Variants in ABCB7 observed in about 807,000 individuals in gnomAD.
ABCB7 encodes iron-sulfur clusters transporter ABCB7, mitochondrial.
ABCB7 carries 7 observed loss-of-function variants against 54.4 expected under a neutral mutation model. The ratio of observed to expected loss-of-function variants is 0.13; its 90% CI spans 0.07 to 0.24. The LOEUF (loss-of-function observed/expected upper bound fraction) is 0.24, where lower values mean the gene tolerates loss of function less well. Ranked by LOEUF, ABCB7 falls within the 10% of genes least tolerant of loss-of-function variation. The pLI is 1.00. For synonymous variants in ABCB7, 218 were observed against 207.1 expected, an observed-to-expected ratio of 1.05 and a Z score of -0.45; for missense variants, 356 against 570.4, an observed-to-expected ratio of 0.62 and a Z score of 3.83.
At chrX:75,124,675 T>G (rs982453068) in intron 1 of ABCB7, among the ~76,000 whole-genome samples, 18 of 111,529 alleles carry the variant, frequency 1.6e-4, no homozygotes, top group Admixed American at 1.5e-3. Context: ...ATATTAAGAG[T>G]GAATATACCA....
intron 1 of ABCB7, among the ~76,000 whole-genome samples, chrX:75,128,955 G>A (rs1296636347): frequency 8.9e-6 from 1 of 111,974 alleles, no homozygotes; most frequent in Non-Finnish European, 1.9e-5. Context: ...AACAGATGCT[G>A]GAGAGGATGT....
At chrX:75,100,636 T>C (rs1308962520) in intron 3 of ABCB7, among the ~76,000 whole-genome samples, 1 of 111,544 alleles carries the variant, frequency 9.0e-6, no homozygotes, top group Non-Finnish European at 1.9e-5. Flanking sequence ...CAGGGTCCTT[T>C]GCCTTATTCT....
chrX:75,054,606 G>A (rs1192001835), intron 15 of ABCB7, among the ~76,000 whole-genome samples: 2 of 101,828 alleles, frequency 2.0e-5, no homozygotes, highest in Non-Finnish European at 2.0e-5. Flanking sequence ...TTAGTTTTCT[G>A]TGTCACTATT....
At chrX:75,069,183 G>T in intron 11 of ABCB7, 47 bp from the exon 12 acceptor site, 1 of 1,202,409 alleles carries the variant, frequency 8.3e-7, no homozygotes, top group Non-Finnish European at 1.1e-6. Context: ...ATTAATGTTA[G>T]GAAACCCCAG....
rs141615261 is a variant in ABCB7 at position 75,051,255 on chromosome X, C to T, written c.*2115G>A. ...CTCTGGCAGCAAAGACTACGAAATA[C>T]TGGTTTCATGTTACTTATCAAATTA... On this transcript the variant is annotated 3_prime_UTR_variant, in exon 16 of 16. Coordinates refer to ENST00000373394, the MANE Select transcript of ABCB7 (RefSeq NM_001271696.3). 1.1e-3 allele frequency among the ~76,000 whole-genome samples: 127 copies of T among 111,141 alleles called. No individual in the cohort carries two copies. Among genetic ancestry groups the T allele is most frequent in the African/African-American group, 3.7e-3 (113 of 30,640 alleles).
At chrX:75,077,047 G>C (rs2081416334) in intron 4 of ABCB7, among the ~76,000 whole-genome samples, 1 of 111,682 alleles carries the variant, frequency 9.0e-6, no homozygotes, top group Admixed American at 9.6e-5. Flanking sequence ...ATCCTTGAGG[G>C]TCTGTGTCAT....
intron 3 of ABCB7, among the ~76,000 whole-genome samples, chrX:75,104,568 C>T (rs1218979292): frequency 2.7e-5 from 3 of 110,651 alleles, no homozygotes; most frequent in Admixed American, 1.9e-4. Flanking sequence ...TCGAAACAAA[C>T]AAACCCAAAA....
intron 1 of ABCB7, among the ~76,000 whole-genome samples, chrX:75,143,640 C>A (rs1349878192): frequency 2.7e-5 from 3 of 111,145 alleles, no homozygotes; most frequent in African/African-American, 9.8e-5. Flanking sequence ...GTTTAATGGA[C>A]TTACAGTTCT....
At chrX:75,077,441 C>T (rs1423912502) in intron 4 of ABCB7, among the ~76,000 whole-genome samples, 5 of 112,249 alleles carry the variant, frequency 4.5e-5, no homozygotes, top group African/African-American at 1.6e-4. Flanking sequence ...ATATTTTCTG[C>T]AGTTATAGTA....
chrX:75,106,616 C>T (rs769453593), intron 3 of ABCB7, among the ~76,000 whole-genome samples: 2 of 111,691 alleles, frequency 1.8e-5, no homozygotes, highest in Non-Finnish European at 3.8e-5. Flanking sequence ...AATAAAACTA[C>T]CATTCAATCC....
intron 4 of ABCB7, among the ~76,000 whole-genome samples, chrX:75,081,704 C>T (rs1254847873): frequency 9.0e-6 from 1 of 111,520 alleles, no homozygotes; most frequent in Non-Finnish European, 1.9e-5. Flanking sequence ...ACTGAAATCC[C>T]AGCGCTTGTT....
chrX:75,113,563 C>G (rs1392442954), intron 2 of ABCB7, among the ~76,000 whole-genome samples: 2 of 111,707 alleles, frequency 1.8e-5, no homozygotes, highest in African/African-American at 6.5e-5. Context: ...AGATCAGAGA[C>G]AGTGTCTTTT....
At chrX:75,124,154 G>A (rs2081904782) in intron 1 of ABCB7, among the ~76,000 whole-genome samples, 1 of 111,530 alleles carries the variant, frequency 9.0e-6, no homozygotes, top group African/African-American at 3.3e-5. Flanking sequence ...AGGATTTTGA[G>A]AATGACAGAG....
At chrX:75,116,779 A>C (rs2081824815) in intron 1 of ABCB7, among the ~76,000 whole-genome samples, 2 of 110,968 alleles carry the variant, frequency 1.8e-5, no homozygotes, top group Non-Finnish European at 3.8e-5. Flanking sequence ...TCACAGGATG[A>C]GCTACGAGGT....
chrX:75,148,968 T>C (rs1393346335), intron 1 of ABCB7, among the ~76,000 whole-genome samples: 2 of 111,854 alleles, frequency 1.8e-5, no homozygotes, highest in Non-Finnish European at 3.8e-5. Flanking sequence ...CTCAAAAATA[T>C]GAATATATTA....
chrX:75,056,525 T>C (rs2081241305), intron 15 of ABCB7, among the ~76,000 whole-genome samples: 1 of 111,763 alleles, frequency 8.9e-6, no homozygotes, highest in African/African-American at 3.3e-5. Flanking sequence ...TTAGTTCCCC[T>C]GACCCAGATC....
chrX:75,115,028 G>GT (rs1164313461), intron 1 of ABCB7, among the ~76,000 whole-genome samples, 197 bp from the exon 2 acceptor site: 1 of 110,709 alleles, frequency 9.0e-6, no homozygotes, highest in Non-Finnish European at 1.9e-5. Context: ...CTGGCACTTT[G>GT]GGAGGCTAAG....
Position 75,099,040 on chromosome X carries a change from T to C in ABCB7, c.355A>G (p.Lys119Glu), listed in dbSNP as rs752284933. ...TAAGAAAGCATTGCTTTTATGATTT[T>C]CCGAGTATCAACATCTTTTAACTAT... ...KEGLKDVDTR[K>E]IIKAMLSYVW... Residue 119 changes from lysine to glutamate, a missense_variant, in exon 4 of 16, where the codon AAA becomes GAA. Physicochemically the swap from Lys to Glu is moderately conservative, Grantham distance 56. Transcript: ENST00000373394. 1.7e-6 allele frequency: 2 copies of C among 1,210,358 alleles called. No individual in the cohort carries two copies. The highest frequency in any genetic ancestry group is 2.2e-5 in the Admixed American group (1 of 46,026).
intron 3 of ABCB7, among the ~76,000 whole-genome samples, chrX:75,102,102 TTTG>T (rs2081645265): frequency 9.0e-6 from 1 of 111,396 alleles, no homozygotes; most frequent in Admixed American, 9.5e-5. Context: ...CACGTGAGAT[TTTG>T]TTGAATGTAC....
Sources: gnomAD v4.1 joint callset for allele counts (sites outside exome capture counted in the v4.1 genomes callset) on GRCh38, gnomAD v4.1.1 for gene constraint, MANE v1.5 for transcripts, NCBI Gene and HGNC (gene_info 2026-07-23, HGNC 2026-07-21) for gene names.